Variants in RBM20 observed in about 807,000 individuals in gnomAD.
The protein encoded by RBM20 is RNA binding motif protein 20, also known as RNA-binding protein 20.
A neutral mutation model predicts 110.1 loss-of-function variants in RBM20; 51 were observed. The ratio of observed to expected loss-of-function variants is 0.46; its 90% CI spans 0.37 to 0.59. The LOEUF is 0.59. RBM20 is among the 20% of genes least tolerant of loss of function. The probability of loss-of-function intolerance (pLI) is 0.00; values close to 1 mark genes in which losing one functional copy is unlikely to be tolerated. For missense variants in RBM20, 1,512 were observed against 1,574.9 expected (o/e 0.96, Z 0.68); for synonymous variants, 589 against 618.2 (o/e 0.95, Z 0.70).
At chr10:110,834,563 T>G (rs879908720) in intron 13 of RBM20, among the ~76,000 whole-genome samples, 2 of 152,210 alleles carry the variant, frequency 1.3e-5, no homozygotes, top group Admixed American at 1.3e-4. Context: ...TACTGAGTGT[T>G]TATTCTGTGT....
intron 7 of RBM20, among the ~76,000 whole-genome samples, chr10:110,801,582 T>C (rs1844624868): frequency 6.6e-6 from 1 of 152,118 alleles, no homozygotes; most frequent in South Asian, 2.1e-4. Context: ...GTCACCAGGC[T>C]GGAGCGCAGT....
intron 1 of RBM20, among the ~76,000 whole-genome samples, chr10:110,776,863 T>G (rs1315972101): frequency 6.6e-6 from 1 of 152,148 alleles, no homozygotes; most frequent in Non-Finnish European, 1.5e-5. Flanking sequence ...GTACTGAAGC[T>G]CCTGCATTGG....
intron 5 of RBM20, among the ~76,000 whole-genome samples, chr10:110,792,974 G>C (rs1163132270): frequency 1.3e-5 from 2 of 152,204 alleles, no homozygotes; most frequent in Non-Finnish European, 2.9e-5. Flanking sequence ...ACTGAGCACA[G>C]TTGGAGAAAG....
chr10:110,803,009 T>C (rs1195444440), intron 7 of RBM20, among the ~76,000 whole-genome samples: 1 of 152,200 alleles, frequency 6.6e-6, no homozygotes, highest in Non-Finnish European at 1.5e-5. Context: ...ATCTTTTCAG[T>C]CTCGTAATCA....
intron 1 of RBM20, among the ~76,000 whole-genome samples, chr10:110,755,757 C>A (rs1254613066): frequency 6.6e-6 from 1 of 152,136 alleles, no homozygotes; most frequent in East Asian, 1.9e-4. Flanking sequence ...AATGGAAAAG[C>A]CCATCTTGTT....
At chr10:110,726,453 C>G (rs888950770) in intron 1 of RBM20, among the ~76,000 whole-genome samples, 3 of 152,206 alleles carry the variant, frequency 2.0e-5, no homozygotes, top group African/African-American at 7.2e-5. Flanking sequence ...GGCAGTATTA[C>G]TCTGCACCCA....
intron 1 of RBM20, among the ~76,000 whole-genome samples, chr10:110,762,626 C>T (rs529711143): frequency 6.6e-6 from 1 of 152,306 alleles, no homozygotes; most frequent in African/African-American, 2.4e-5. Context: ...TCCGGCTGTA[C>T]CAGGTGACAC....
chr10:110,740,358 A>G (rs1311436264), intron 1 of RBM20, among the ~76,000 whole-genome samples: 2 of 152,106 alleles, frequency 1.3e-5, no homozygotes, highest in Non-Finnish European at 2.9e-5. Context: ...GTGTTTTTGA[A>G]TCAGCCAAAC....
intron 5 of RBM20, among the ~76,000 whole-genome samples, chr10:110,789,973 C>A (rs1564846918): frequency 6.6e-6 from 1 of 152,198 alleles, no homozygotes; most frequent in Non-Finnish European, 1.5e-5. Flanking sequence ...AGCCACCTTG[C>A]AGTTTTCACA....
intron 1 of RBM20, among the ~76,000 whole-genome samples, chr10:110,688,661 C>CT (rs1435773689): frequency 6.6e-6 from 1 of 152,138 alleles, no homozygotes; most frequent in Non-Finnish European, 1.5e-5. Flanking sequence ...TTTAGATTTA[C>CT]TAAAAAAGCT....
At chr10:110,695,263 T>G (rs917437248) in intron 1 of RBM20, among the ~76,000 whole-genome samples, 2 of 152,180 alleles carry the variant, frequency 1.3e-5, no homozygotes, top group African/African-American at 4.8e-5. Context: ...AATAAATAAT[T>G]AAACCTCACT....
At position 110,739,862 on chromosome 10, in the gene RBM20, A is replaced by G. The variant is rs953962050; in HGVS notation, c.192-40939A>G. 5.9e-5 allele frequency among the ~76,000 whole-genome samples: 9 copies of G among 152,210 alleles called. No homozygotes were observed. Among genetic ancestry groups the G allele is most frequent in the Admixed American group, 2.0e-4 (3 of 15,286 alleles). The stretch of plus-strand genomic sequence containing the variant: ...CTTCTGTGCGACCTGGGTGACTAAC[A>G]CAGCCCACAAGCAGTGAGGAAGCCA... On this transcript the variant is annotated intron_variant, in intron 1 of 13. Transcript: ENST00000369519. The surrounding 1 kb of genome is among the most constrained non-coding windows in gnomAD (Gnocchi z 4.1).
chr10:110,826,398 C>T (rs773884546), intron 12 of RBM20, among the ~76,000 whole-genome samples: 36 of 152,128 alleles, frequency 2.4e-4, no homozygotes, highest in Non-Finnish European at 4.4e-4. Flanking sequence ...TATGTAACCC[C>T]TCCCTCCCCA....
chr10:110,810,579 C>G, intron 8 of RBM20, 117 bp downstream of exon 8: 1 of 646,334 alleles, frequency 1.5e-6, no homozygotes, highest in South Asian at 2.3e-5. Context: ...CCTACCCCAT[C>G]CATCTGCTTT....
At chr10:110,735,482 AT>A (rs1158035450) in intron 1 of RBM20, among the ~76,000 whole-genome samples, 2 of 152,180 alleles carry the variant, frequency 1.3e-5, no homozygotes, top group African/African-American at 4.8e-5. Context: ...TCCTGATTGA[AT>A]AGTGTTCCAT....
rs576620214 is a variant in RBM20, at chr10:110,773,306, T to C, written c.192-7495T>C. On this transcript the variant is annotated intron_variant, in intron 1 of 13. Coordinates refer to ENST00000369519, the MANE Select transcript of RBM20 (RefSeq NM_001134363.3). The stretch of plus-strand genomic sequence containing the variant: ...TAGACACACCACATGTGGATGTCAC[T>C]GGGGAGATGAAGGTGGGATTGAACT... Among the ~76,000 whole-genome samples, 4 of 152,336 alleles carry C rather than the reference T, an allele frequency of 2.6e-5. No individual in the cohort carries two copies. In the South Asian group the frequency reaches 8.3e-4, roughly 32 times the overall value.
At chr10:110,753,604 G>T (rs1385581913) in intron 1 of RBM20, among the ~76,000 whole-genome samples, 2 of 152,158 alleles carry the variant, frequency 1.3e-5, no homozygotes, top group East Asian at 3.8e-4. Flanking sequence ...CTGTGGCAGG[G>T]TATTTGTGGC....
At chr10:110,694,758 A>T (rs1862636825) in intron 1 of RBM20, among the ~76,000 whole-genome samples, 1 of 152,236 alleles carries the variant, frequency 6.6e-6, no homozygotes. Flanking sequence ...CAACTAGTTC[A>T]GTTAGAACAT....
At chr10:110,819,945 G>T (rs1041708121) in intron 9 of RBM20, 127 bp from the exon 10 acceptor site, 5 of 563,998 alleles carry the variant, frequency 8.9e-6, no homozygotes, top group African/African-American at 7.6e-5. Flanking sequence ...GATTCTGGGA[G>T]GATAAAGGAA....
Sources: gnomAD v4.1 joint callset for allele counts (sites outside exome capture counted in the v4.1 genomes callset) on GRCh38, gnomAD v4.1.1 for gene constraint, Gnocchi (gnomAD v3.1) non-coding constraint, MANE v1.5 for transcripts, NCBI Gene and HGNC (gene_info 2026-07-23, HGNC 2026-07-21) for gene names.